The following ST6GALNAC3 variants were observed in gnomAD, a reference collection of about 807,000 sequenced individuals.
ST6GALNAC3 encodes the protein ST6 N-acetylgalactosaminide alpha-2,6-sialyltransferase 3.
ST6GALNAC3 carries 25 observed loss-of-function variants against 32.7 expected under a neutral mutation model. That is an observed-to-expected ratio of 0.76 (90% CI 0.56 to 1.07). The LOEUF (loss-of-function observed/expected upper bound fraction) is 1.07. Ranked by LOEUF, ST6GALNAC3 falls within the 50% of genes least tolerant of loss-of-function variation. ST6GALNAC3 has a pLI of 0.00. For synonymous variants in ST6GALNAC3, 129 were observed against 133.1 expected (o/e 0.97, Z 0.21); for missense variants, 355 against 382.4 (o/e 0.93, Z 0.60).
chr1:76,596,352 G>C (rs1456678791), intron 3 of ST6GALNAC3, among the ~76,000 whole-genome samples: 2 of 152,094 alleles, frequency 1.3e-5, no homozygotes, highest in Admixed American at 6.6e-5. Flanking sequence ...ATCATGTCTT[G>C]TTTATGTGAA....
chr1:76,637,089 A>T (rs1207661845), downstream of ST6GALNAC3: 1 of 152,216 alleles, frequency 6.6e-6, no homozygotes, highest in Non-Finnish European at 1.5e-5. Flanking sequence ...TAATACGATC[A>T]TACAGTGTAC....
At chr1:76,144,085 A>G (rs1260680362) in intron 1 of ST6GALNAC3, among the ~76,000 whole-genome samples, 1 of 152,128 alleles carries the variant, frequency 6.6e-6, no homozygotes, top group Non-Finnish European at 1.5e-5. Flanking sequence ...CAGTAAATGA[A>G]CCAGGTCTCT....
intron 2 of ST6GALNAC3, among the ~76,000 whole-genome samples, chr1:76,393,224 A>G (rs930203409): frequency 1.3e-5 from 2 of 152,228 alleles, no homozygotes; most frequent in African/African-American, 4.8e-5. Flanking sequence ...GTGATTTGGA[A>G]CTGTCTTACT....
intron 1 of ST6GALNAC3, among the ~76,000 whole-genome samples, chr1:76,220,871 A>C (rs1031819230): frequency 6.6e-6 from 1 of 152,208 alleles, no homozygotes; most frequent in Non-Finnish European, 1.5e-5. Context: ...CTTTCAAAAA[A>C]CATTGCAAAA....
intron 2 of ST6GALNAC3, among the ~76,000 whole-genome samples, chr1:76,316,844 T>C (rs572402429): frequency 1.3e-5 from 2 of 152,070 alleles, no homozygotes; most frequent in Non-Finnish European, 2.9e-5. Flanking sequence ...CCATTTACCA[T>C]GGGGAAGGAA....
At chr1:76,471,837 A>G (rs889608913) in intron 3 of ST6GALNAC3, among the ~76,000 whole-genome samples, 1 of 149,464 alleles carries the variant, frequency 6.7e-6, no homozygotes, top group Non-Finnish European at 1.5e-5. Context: ...TCTAAGTTCT[A>G]CTTTCTAAGT....
Position 76,604,975 on chromosome 1 carries a change from A to G in ST6GALNAC3, c.624-22477A>G, listed in dbSNP as rs542458705. Among the ~76,000 whole-genome samples, 18 of 152,272 alleles carry G rather than the reference A, an allele frequency of 1.2e-4. 1 individual carries two copies. The highest frequency in any genetic ancestry group is 4.3e-4 in the African/African-American group (18 of 41,552). Reference sequence around the variant, plus strand: ...GTCTTAATTGGGTCATTCTGTCACCAATATTTCCCATATGCAGTTCATAAT... The same window carrying G: ...GTCTTAATTGGGTCATTCTGTCACCGATATTTCCCATATGCAGTTCATAAT... On this transcript the variant is annotated intron_variant, in intron 3 of 4. Coordinates refer to ENST00000328299, the MANE Select transcript of ST6GALNAC3 (RefSeq NM_152996.4).
rs76809010 is a variant in ST6GALNAC3, at chr1:76,387,374, A to G, written c.214-24634A>G. Among the ~76,000 whole-genome samples, 607 of 152,268 alleles carry G rather than the reference A, an allele frequency of 4.0e-3. 1 individual carries two copies. Among genetic ancestry groups the G allele is most frequent in the African/African-American group, 0.014 (585 of 41,574 alleles). On this transcript the variant is annotated intron_variant, in intron 2 of 4. Coordinates refer to ENST00000328299, the MANE Select transcript of ST6GALNAC3 (RefSeq NM_152996.4). ...TACATATTTGCCAAATGAAGGGATGATGTCCCAACTCCAAAATTTGTTATA... is the reference window on the plus strand; with the variant it reads ...TACATATTTGCCAAATGAAGGGATGGTGTCCCAACTCCAAAATTTGTTATA...
At chr1:76,279,606 A>G (rs1209830445) in intron 1 of ST6GALNAC3, among the ~76,000 whole-genome samples, 1 of 152,204 alleles carries the variant, frequency 6.6e-6, no homozygotes, top group African/African-American at 2.4e-5. Context: ...ACGTGAGTGC[A>G]GCACTTGAGC....
intron 3 of ST6GALNAC3, among the ~76,000 whole-genome samples, chr1:76,427,032 T>C (rs1309612255): frequency 6.6e-6 from 1 of 152,094 alleles, no homozygotes; most frequent in Non-Finnish European, 1.5e-5. Context: ...AAATGATTAC[T>C]GTTTGGCTTT....
At chr1:76,555,780 T>C (rs1664881248) in intron 3 of ST6GALNAC3, among the ~76,000 whole-genome samples, 1 of 152,100 alleles carries the variant, frequency 6.6e-6, no homozygotes, top group Admixed American at 6.6e-5. Context: ...TACAGTAGAA[T>C]TCCCAGGGTT....
At chr1:76,340,708 C>G (rs1276034245) in intron 2 of ST6GALNAC3, among the ~76,000 whole-genome samples, 2 of 152,018 alleles carry the variant, frequency 1.3e-5, no homozygotes, top group Non-Finnish European at 2.9e-5. Context: ...TAAAATGTTG[C>G]ACATCTTTGT....
At chr1:76,273,769 C>T (rs1363662464) in intron 1 of ST6GALNAC3, among the ~76,000 whole-genome samples, 1 of 152,172 alleles carries the variant, frequency 6.6e-6, no homozygotes, top group Non-Finnish European at 1.5e-5. Context: ...ATCCATGAAT[C>T]TCACTTTTGG....
At chr1:76,108,104 G>A (rs774444677) in intron 1 of ST6GALNAC3, among the ~76,000 whole-genome samples, 5 of 152,208 alleles carry the variant, frequency 3.3e-5, no homozygotes, top group Non-Finnish European at 7.3e-5. Flanking sequence ...ACTCTTAGAT[G>A]TGTAATAATG....
chr1:76,463,857 G>C (rs899080563), intron 3 of ST6GALNAC3, among the ~76,000 whole-genome samples: 2 of 152,060 alleles, frequency 1.3e-5, no homozygotes, highest in Non-Finnish European at 2.9e-5. Context: ...GTTTAACCAG[G>C]GGGAGCACTA....
At chr1:76,266,773 C>T (rs1021143709) in intron 1 of ST6GALNAC3, among the ~76,000 whole-genome samples, 2 of 152,144 alleles carry the variant, frequency 1.3e-5, no homozygotes, top group African/African-American at 4.8e-5. Flanking sequence ...CCTCTTGGGG[C>T]AGAGACAATC....
At position 76,135,140 on chromosome 1, in the gene ST6GALNAC3, C is replaced by CAA. The variant is rs758939947; in HGVS notation, c.18+60267_18+60268dup. 1.2e-4 allele frequency among the ~76,000 whole-genome samples: 16 copies of CAA among 130,080 alleles called. No individual in the cohort carries two copies. The East Asian group carries it at 2.0e-3, about 16-fold the overall frequency. 85.3% of individuals were successfully genotyped at this position (130,080 alleles called of 152,430 possible). ...CTGGGCAATAGAGCGAGACTCTGCT[C>CAA]AAAAAAAAAAAAGGAATACTTTCTT... is the stretch of plus-strand genomic sequence containing the variant. On this transcript the variant is annotated intron_variant, in intron 1 of 4. Coordinates refer to ENST00000328299, the MANE Select transcript of ST6GALNAC3 (RefSeq NM_152996.4).
chr1:76,242,250 C>CA (rs1293753932), intron 1 of ST6GALNAC3, among the ~76,000 whole-genome samples: 14 of 151,182 alleles, frequency 9.3e-5, no homozygotes, highest in Non-Finnish European at 1.6e-4. Flanking sequence ...TTTGTAATCA[C>CA]AAAAAAAAGA....
chr1:76,448,193 T>C (rs1206079946), intron 3 of ST6GALNAC3, among the ~76,000 whole-genome samples: 1 of 152,204 alleles, frequency 6.6e-6, no homozygotes, highest in East Asian at 1.9e-4. Flanking sequence ...GAGATCATTT[T>C]GGAGCTTTAA....
Sources: allele counts gnomAD v4.1 joint callset (sites outside exome capture counted in the v4.1 genomes callset), GRCh38; gene constraint gnomAD v4.1.1; transcripts MANE v1.5; gene names NCBI Gene and HGNC (gene_info 2026-07-23, HGNC 2026-07-21).